Variants in HIP1 observed in about 807,000 individuals in gnomAD.
The protein encoded by HIP1 is huntingtin interacting protein 1.
A neutral mutation model predicts 147.6 loss-of-function variants in HIP1; 65 were observed. That is an observed-to-expected ratio of 0.44 (90% CI 0.36 to 0.54). HIP1 has a LOEUF of 0.54. Ranked by LOEUF, HIP1 falls within the 20% of genes least tolerant of loss-of-function variation. The probability of loss-of-function intolerance (pLI) is 0.00; values close to 1 mark genes in which losing one functional copy is unlikely to be tolerated. For missense variants in HIP1, 1,061 were observed against 1,299.6 expected (o/e 0.82, Z 2.82); for synonymous variants, 479 against 504.0 (o/e 0.95, Z 0.67).
At chr7:75,547,089 C>T (rs1290462162) in intron 24 of HIP1, 57 bp from the exon 25 acceptor site, 15 of 1,370,776 alleles carry the variant, frequency 1.1e-5, no homozygotes, top group East Asian at 7.4e-5. Context: ...TCAATGAACA[C>T]GACGGTTCTC....
Position 75,538,210 on chromosome 7 carries a change from G to A in HIP1, c.3076C>T (p.Pro1026Ser). 6.2e-7 allele frequency: 1 copy of A among 1,612,942 alleles called. No individual in the cohort carries two copies. Among genetic ancestry groups the A allele is most frequent in the Non-Finnish European group, 8.5e-7 (1 of 1,179,088 alleles). The change falls in exon 31 of 31, where the codon CCA becomes TCA. Residue 1026 changes from proline (P) to serine (S), a missense_variant. By Grantham distance (74) the Pro-to-Ser change is moderately conservative. This residue lies in a region of HIP1 where 810 missense variants were observed against 946.8 expected (regional missense o/e 0.86). Transcript: ENST00000336926. Reference protein sequence around the residue: ...EGWEEGTEASPPTLQEVVTEK... With the variant: ...EGWEEGTEASSPTLQEVVTEK... ...GTTACCACTTCTTGCAGTGTAGGTG[G>A]AGATGCCTCTGTTCCTAAAAGACAA...
chr7:75,535,294 C>G lies in HIP1; in HGVS notation c.*2878G>C, dbSNP rs1794042007. ...ATGGAGTCTCGCTCTGTCACTCAGG[C>G]TGGAGTGCAGTGGGAAATCATGGCT... is the stretch of plus-strand genomic sequence containing the variant. On this transcript the variant is annotated 3_prime_UTR_variant, in exon 31 of 31. Coordinates refer to ENST00000336926, the MANE Select transcript of HIP1 (RefSeq NM_005338.7). The G allele has an allele frequency of 5.0e-6, 1 of 199,828 alleles. No homozygotes were observed. The highest frequency in any genetic ancestry group is 1.9e-4 in the South Asian group (1 of 5,214). 12.4% of individuals were successfully genotyped at this position (199,828 alleles called of 1,614,324 possible).
chr7:75,613,107 A>G (rs1370137576), intron 1 of HIP1, among the ~76,000 whole-genome samples: 1 of 151,734 alleles, frequency 6.6e-6, no homozygotes, highest in African/African-American at 2.4e-5. Flanking sequence ...ACACACACAC[A>G]TGCACACAAA....
At chr7:75,718,768 G>T (rs534149784) in intron 1 of HIP1, among the ~76,000 whole-genome samples, 1 of 152,068 alleles carries the variant, frequency 6.6e-6, no homozygotes, top group African/African-American at 2.4e-5. Flanking sequence ...CTCCAAGCAC[G>T]CAGTTCTCCC....
intron 1 of HIP1, among the ~76,000 whole-genome samples, chr7:75,604,137 G>A (rs1797125212): frequency 6.6e-6 from 1 of 152,114 alleles, no homozygotes; most frequent in South Asian, 2.1e-4. Context: ...CATAGGCTGG[G>A]GCACCATGAC....
intron 1 of HIP1, among the ~76,000 whole-genome samples, chr7:75,646,167 C>A (rs1002642070): frequency 6.6e-6 from 1 of 152,112 alleles, no homozygotes; most frequent in Non-Finnish European, 1.5e-5. Context: ...GCAACCTCCA[C>A]CTCCCGGGTT....
At chr7:75,610,224 T>C (rs1554504614) in intron 1 of HIP1, among the ~76,000 whole-genome samples, 1 of 121,566 alleles carries the variant, frequency 8.2e-6, no homozygotes, top group Admixed American at 8.3e-5. Context: ...TTTTTTTTTA[T>C]AAGAAACAGG....
rs192875497 is a variant in HIP1, at chr7:75,598,225, C to T, written c.184+959G>A. On this transcript the variant is annotated intron_variant, in intron 2 of 30. Transcript: ENST00000336926. Reference sequence around the variant, plus strand: ...CAGCCTGGCCAACATGGCAAAACCCCGGTCCTACTAAAATTACAAAAATTA... The same window carrying T: ...CAGCCTGGCCAACATGGCAAAACCCTGGTCCTACTAAAATTACAAAAATTA... Among the ~76,000 whole-genome samples the T allele has an allele frequency of 1.6e-3, 242 of 152,040 alleles. 1 individual carries two copies. The highest frequency in any genetic ancestry group is 3.3e-3 in the Admixed American group (50 of 15,274).
intron 1 of HIP1, among the ~76,000 whole-genome samples, chr7:75,706,561 G>A (rs1019069768): frequency 3.6e-5 from 5 of 138,508 alleles, no homozygotes; most frequent in Admixed American, 1.5e-4. Flanking sequence ...TGTGCACAAC[G>A]TGCAAGTTTG....
chr7:75,564,172 A>G (rs1554495094), intron 9 of HIP1, among the ~76,000 whole-genome samples: 7 of 152,112 alleles, frequency 4.6e-5, no homozygotes, highest in Non-Finnish European at 7.4e-5. Context: ...GATTACAGGC[A>G]TGAGCCACCA....
chr7:75,714,873 T>C (rs923738150), intron 1 of HIP1, among the ~76,000 whole-genome samples: 4 of 152,212 alleles, frequency 2.6e-5, no homozygotes, highest in Admixed American at 1.3e-4. Flanking sequence ...ACTACTGTTT[T>C]CCTCCTTCTG....
At chr7:75,644,485 G>A (rs1279129124) in intron 1 of HIP1, among the ~76,000 whole-genome samples, 1 of 152,010 alleles carries the variant, frequency 6.6e-6, no homozygotes, top group Non-Finnish European at 1.5e-5. Context: ...AGTAGAGATG[G>A]GGCTTCACCA....
chr7:75,598,343 G>A (rs1796832627), intron 2 of HIP1, among the ~76,000 whole-genome samples: 1 of 150,678 alleles, frequency 6.6e-6, no homozygotes, highest in Non-Finnish European at 1.5e-5. Flanking sequence ...GTTACAGTGA[G>A]CCGAGAACAT....
intron 1 of HIP1, among the ~76,000 whole-genome samples, chr7:75,613,215 C>G (rs921250210): frequency 6.6e-5 from 10 of 152,082 alleles, no homozygotes; most frequent in South Asian, 6.2e-4. Context: ...GGACCTACCA[C>G]CTGAGTGAGG....
intron 1 of HIP1, among the ~76,000 whole-genome samples, chr7:75,670,947 G>A (rs1228723479): frequency 6.6e-6 from 1 of 151,646 alleles, no homozygotes; most frequent in African/African-American, 2.4e-5. Context: ...CTATCTCTAC[G>A]ATTGTGACTA....
chr7:75,724,454 G>A (rs1426496816), intron 1 of HIP1, among the ~76,000 whole-genome samples: 1 of 151,822 alleles, frequency 6.6e-6, no homozygotes, highest in East Asian at 1.9e-4. Flanking sequence ...TGCCATGTTG[G>A]CCAGGCTGGT....
intron 1 of HIP1, among the ~76,000 whole-genome samples, chr7:75,646,326 A>G (rs782515494): frequency 6.6e-6 from 1 of 152,174 alleles, no homozygotes; most frequent in Non-Finnish European, 1.5e-5. Context: ...ACCTCAGGTG[A>G]TCCACTCATC....
At chr7:75,618,845 C>A (rs1459721032) in intron 1 of HIP1, among the ~76,000 whole-genome samples, 2 of 151,974 alleles carry the variant, frequency 1.3e-5, no homozygotes, top group Non-Finnish European at 2.9e-5. Flanking sequence ...CTCCCTTGAG[C>A]ACATCCTTTT....
rs186305785 is a variant in HIP1 at position 75,617,168 on chromosome 7, C to T, written c.121-17921G>A. 5.8e-3 allele frequency among the ~76,000 whole-genome samples: 886 copies of T among 151,592 alleles called. 12 individuals are homozygous for T. The highest frequency in any genetic ancestry group is 0.021 in the African/African-American group (860 of 41,270). The stretch of plus-strand genomic sequence containing the variant: ...CAGCTCACTGCAACCTCCGCCTCCC[C>T]GGCTCAAGCGATTCCCTTGTCTCAG... On this transcript the variant is annotated intron_variant, in intron 1 of 30. Transcript: ENST00000336926.
Sources: gnomAD v4.1 joint callset for allele counts (sites outside exome capture counted in the v4.1 genomes callset) on GRCh38, gnomAD v4.1.1 for gene constraint, gnomAD v4.1.1 regional missense constraint, MANE v1.5 for transcripts, NCBI Gene and HGNC (gene_info 2026-07-23, HGNC 2026-07-21) for gene names.